LINGO2: variants seen among roughly 807,000 people sequenced by gnomAD.
The protein encoded by LINGO2 is leucine-rich repeat and immunoglobulin-like domain-containing nogo receptor-interacting protein 2.
LINGO2 carries 14 observed loss-of-function variants against 30.6 expected under a neutral mutation model. The ratio of observed to expected loss-of-function variants is 0.46; its 90% CI spans 0.30 to 0.72. The LOEUF (loss-of-function observed/expected upper bound fraction) is 0.72. LINGO2 is among the 30% of genes least tolerant of loss of function. LINGO2 has a pLI of 0.07. For synonymous variants in LINGO2, 317 were observed against 288.5 expected, an observed-to-expected ratio of 1.10 and a Z score of -1.00; for missense variants, 729 against 751.7, an observed-to-expected ratio of 0.97 and a Z score of 0.35.
At chr9:28,668,676 T>C (rs1394797664) in intron 1 of LINGO2, among the ~76,000 whole-genome samples, 57 of 152,228 alleles carry the variant, frequency 3.7e-4, no homozygotes, top group Non-Finnish European at 1.0e-4. Context: ...GGTTTTAATT[T>C]ACCAGGATTA....
chr9:28,529,739 T>C (rs578198324), intron 1 of LINGO2, among the ~76,000 whole-genome samples: 55 of 151,344 alleles, frequency 3.6e-4, no homozygotes, highest in African/African-American at 1.2e-3. Context: ...CAAAACATAA[T>C]GAATAGTTTA....
intron 1 of LINGO2, among the ~76,000 whole-genome samples, chr9:28,659,720 A>G (rs1195937112): frequency 6.6e-6 from 1 of 152,146 alleles, no homozygotes; most frequent in Admixed American, 6.6e-5. Flanking sequence ...AACTGCTGGG[A>G]TTACAGGCAT....
chr9:28,636,373 G>C (rs560610829), intron 1 of LINGO2, among the ~76,000 whole-genome samples: 1 of 152,208 alleles, frequency 6.6e-6, no homozygotes, highest in East Asian at 1.9e-4. Flanking sequence ...GGTATTTCTA[G>C]TTCTAGATCC....
At chr9:28,873,882 A>AAT in the LINGO2 span, among the ~76,000 whole-genome samples, 14 of 151,256 alleles carry the variant, frequency 9.3e-5, no homozygotes, top group Non-Finnish European at 1.3e-4. Context: ...AAAATAAAAA[A>AAT]ATATATATAT....
At chr9:28,087,263 T>C (rs1825942435) in intron 4 of LINGO2, among the ~76,000 whole-genome samples, 2 of 152,084 alleles carry the variant, frequency 1.3e-5, no homozygotes, top group South Asian at 2.1e-4. Context: ...AGCTGACCCA[T>C]AGACTCATGA....
chr9:29,111,521 G>C, the LINGO2 span, among the ~76,000 whole-genome samples: 1 of 151,828 alleles, frequency 6.6e-6, no homozygotes, highest in South Asian at 2.1e-4. Flanking sequence ...ATATACATAT[G>C]TGTAATTCAG....
At chr9:28,349,505 G>C (rs1230412108) in intron 3 of LINGO2, among the ~76,000 whole-genome samples, 1 of 113,674 alleles carries the variant, frequency 8.8e-6, no homozygotes, top group Non-Finnish European at 1.8e-5. Context: ...TATGTGAAAA[G>C]ACCAAATCTA....
At chr9:28,824,898 C>T in the LINGO2 span, among the ~76,000 whole-genome samples, 3 of 152,108 alleles carry the variant, frequency 2.0e-5, no homozygotes, top group Admixed American at 1.3e-4. Flanking sequence ...TAAGCAAAAA[C>T]TTGATCTCCT....
At chr9:28,373,010 A>G (rs1009470963) in intron 2 of LINGO2, 142 bp from the exon 5 acceptor site, 1 of 18,716 alleles carries the variant, frequency 5.3e-5, no homozygotes, top group Non-Finnish European at 2.4e-4. Context: ...ATTTAACTAC[A>G]GAGAGAAAAA....
chr9:29,143,871 T>A, the LINGO2 span, among the ~76,000 whole-genome samples: 1 of 152,220 alleles, frequency 6.6e-6, no homozygotes, highest in Non-Finnish European at 1.5e-5. Flanking sequence ...TTGTATTGCC[T>A]AGATTTTCTT....
chr9:28,396,953 T>C (rs1310152744), intron 2 of LINGO2, among the ~76,000 whole-genome samples: 2 of 152,120 alleles, frequency 1.3e-5, no homozygotes, highest in Admixed American at 6.5e-5. Context: ...TGATTCACTA[T>C]CCTTCAAGAT....
chr9:28,406,601 G>A (rs1020444084), intron 2 of LINGO2, among the ~76,000 whole-genome samples: 2 of 152,096 alleles, frequency 1.3e-5, no homozygotes, highest in East Asian at 1.9e-4. Flanking sequence ...AACAGAACAG[G>A]TGAAAACAAC....
At chr9:28,648,495 T>C (rs1827941627) in intron 1 of LINGO2, among the ~76,000 whole-genome samples, 2 of 152,136 alleles carry the variant, frequency 1.3e-5, no homozygotes, top group Admixed American at 1.3e-4. Flanking sequence ...TGAAACATGC[T>C]ATTATTAACA....
At chr9:29,065,960 A>C in the LINGO2 span, among the ~76,000 whole-genome samples, 1 of 151,938 alleles carries the variant, frequency 6.6e-6, no homozygotes, top group African/African-American at 2.4e-5. Context: ...ATTGAGAAAA[A>C]CAACAAAATA....
At chr9:28,674,766 G>A (rs1829153283), upstream of LINGO2, among the ~76,000 whole-genome samples, 1 of 152,128 alleles carries the variant, frequency 6.6e-6, no homozygotes, top group Non-Finnish European at 1.5e-5. Context: ...TTTAACACAT[G>A]ATGCAGAACT....
Position 28,237,557 on chromosome 9 carries a change from A to AACTCTTC in LINGO2, c.-87+57644_-87+57650dup, listed in dbSNP as rs750373905. On this transcript the variant is annotated intron_variant, in intron 4 of 5. Transcript: ENST00000379992. ...GCCCAGTGATCTGTTGCCTATAAGA[A>AACTCTTC]ACTCTTCACTCGCCAGGTGCGGTGG... is the stretch of plus-strand genomic sequence containing the variant. 7.2e-4 allele frequency among the ~76,000 whole-genome samples: 110 copies of AACTCTTC among 152,202 alleles called. 1 individual carries two copies. The highest frequency in any genetic ancestry group is 3.4e-3 in the Middle Eastern group (1 of 294).
At chr9:28,038,123 T>C (rs929068871) in intron 4 of LINGO2, among the ~76,000 whole-genome samples, 12 of 152,114 alleles carry the variant, frequency 7.9e-5, no homozygotes, top group Admixed American at 4.6e-4. Context: ...GAAAAATGAG[T>C]CCGGAATTTC....
At chr9:28,950,982 C>T in the LINGO2 span, among the ~76,000 whole-genome samples, 2 of 152,174 alleles carry the variant, frequency 1.3e-5, no homozygotes, top group African/African-American at 4.8e-5. Flanking sequence ...TGCTACCTGA[C>T]TTCAAACTAT....
rs1199299001 is a variant in LINGO2, at chr9:28,295,377, C to G, written c.-245-11G>C. On this transcript the variant is annotated splice_polypyrimidine_tract_variant and intron_variant, in intron 3 of 5. Coordinates refer to ENST00000379992, the Ensembl canonical transcript of LINGO2. Reference sequence around the variant, plus strand: ...CTGCTTGAAACGAACCTGCAACAAACAAGATATTTCTCCATTTTAATTGAA... The same window carrying G: ...CTGCTTGAAACGAACCTGCAACAAAGAAGATATTTCTCCATTTTAATTGAA... The G allele has an allele frequency of 1.3e-5, 2 of 152,538 alleles. No homozygotes were observed. Among genetic ancestry groups the G allele is most frequent in the African/African-American group, 4.8e-5 (2 of 41,432 alleles). The allele number at this position is 152,538 out of a possible 1,614,324, so 9.4% of individuals were successfully genotyped here.
Sources: gnomAD v4.1 joint callset for allele counts (sites outside exome capture counted in the v4.1 genomes callset) on GRCh38, gnomAD v4.1.1 for gene constraint, MANE v1.5 for transcripts, NCBI Gene and HGNC (gene_info 2026-07-23, HGNC 2026-07-21) for gene names.